NLRP4: variants seen among roughly 807,000 people sequenced by gnomAD.
NLRP4 encodes NLR family pyrin domain containing 4, also known as NACHT, LRR and PYD domains-containing protein 4.
In NLRP4, 44 loss-of-function variants were observed where a neutral mutation model predicts 84.7. That is an observed-to-expected ratio of 0.52 (90% CI 0.41 to 0.67). NLRP4 has a LOEUF of 0.67. NLRP4 is among the 30% of genes least tolerant of loss of function. The pLI is 0.00. For missense variants in NLRP4, 1,260 were observed against 1,219.4 expected (o/e 1.03, Z -0.50); for synonymous variants, 544 against 476.4 (o/e 1.14, Z -1.85).
At chr19:55,864,494 C>T (rs1034103362) in intron 5 of NLRP4, among the ~76,000 whole-genome samples, 4 of 152,142 alleles carry the variant, frequency 2.6e-5, no homozygotes, top group Non-Finnish European at 5.9e-5. Context: ...GGGTTGTTAC[C>T]ACCTTTTAGC....
chr19:55,870,678 G>C, intron 6 of NLRP4, 149 bp from the exon 7 acceptor site: 1 of 594,474 alleles, frequency 1.7e-6, no homozygotes, highest in South Asian at 2.2e-5. Context: ...GAATAAATGA[G>C]AGGAGGTGTT....
chr19:55,847,406 G>A (rs868466404), intron 1 of NLRP4, among the ~76,000 whole-genome samples: 2 of 152,026 alleles, frequency 1.3e-5, no homozygotes, highest in African/African-American at 2.4e-5. Context: ...AATGTTCCAC[G>A]TATGCTTGAA....
chr19:55,879,030 C>A, intron 9 of NLRP4, 66 bp downstream of exon 9: 2 of 1,268,116 alleles, frequency 1.6e-6, no homozygotes, highest in South Asian at 1.3e-5. Flanking sequence ...TGGCTGGGAC[C>A]TGCAGTGTAA....
chr19:55,876,851 T>G (rs1985392332), intron 7 of NLRP4, 145 bp from the exon 8 acceptor site: 1 of 608,404 alleles, frequency 1.6e-6, no homozygotes, highest in Non-Finnish European at 2.9e-6. Context: ...AATTTCAATC[T>G]GCCACTAGTT....
Position 55,858,506 on chromosome 19 carries a change from G to T in NLRP4, c.1113G>T (p.Val371=), listed in dbSNP as rs746661241. The T allele has an allele frequency of 4.3e-6, 7 of 1,614,022 alleles. No homozygotes were observed. In the East Asian group the frequency reaches 1.3e-4, roughly 31 times the overall value. ...LALTCQSTTS[V]YSSFVFNLFT... ...TGACCTGCCAGAGCACTACCTCTGT[G>T]TACTCCTCTTTCGTCTTTAACCTGT... Residue 371 remains valine (V), a synonymous_variant, in exon 3 of 10, where the codon GTG becomes GTT. Transcript: ENST00000301295. The surrounding 1 kb of genome is among the most constrained non-coding windows in gnomAD (Gnocchi z 4.2).
rs375794671 is a variant in NLRP4, at chr19:55,875,256, C to G, written c.2526-1740C>G. On this transcript the variant is annotated intron_variant, in intron 7 of 9. Transcript: ENST00000301295. ...AGCAAATGCTTCAAGGTAAGAAAAA[C>G]ACTAAACCTGTAATCTTTGAAGAAA... 5.1e-4 allele frequency among the ~76,000 whole-genome samples: 78 copies of G among 152,262 alleles called. 2 individuals carry two copies. The South Asian group carries it at 0.016, about 30-fold the overall frequency.
chr19:55,849,770 G>A (rs1208347951), intron 1 of NLRP4, among the ~76,000 whole-genome samples: 3 of 132,224 alleles, frequency 2.3e-5, no homozygotes, highest in South Asian at 2.3e-4. Flanking sequence ...TGTAATTTCT[G>A]TAGCTGCGGT....
rs761515936 is a variant in NLRP4, at chr19:55,861,523, C to T, written c.1994C>T (p.Pro665Leu). 1.9e-6 allele frequency: 3 copies of T among 1,613,874 alleles called. No homozygotes were observed. In the Admixed American group the frequency reaches 5.0e-5, roughly 27 times the overall value. The change falls in exon 4 of 10, where the codon CCC (proline) becomes CTC (leucine). Residue 665 changes from proline (P) to leucine (L), a missense_variant. Around this residue, in one of 3 missense-constraint regions of NLRP4, gnomAD observed 544 missense variants for 531.7 expected, o/e 1.02. Coordinates refer to ENST00000301295, the MANE Select transcript of NLRP4 (RefSeq NM_134444.5). ...ACCTGGTGTAACCAGCTGAGGCATC[C>T]CAGCTGTCGCCTTCAGAAGCTTGGG... ...FVTWCNQLRH[P>L]SCRLQKLGIN...
Position 55,858,595 on chromosome 19 carries a change from C to T in NLRP4, c.1202C>T (p.Ser401Phe). The stretch of plus-strand genomic sequence containing the variant: ...CAGCACCAGCTGAAGGCCCTGTGCT[C>T]CCTGGCTGCAGAGGGTATGTGGACA... ...QTQHQLKALC[S>F]LAAEGMWTDT... The change falls in exon 3 of 10, where the codon TCC becomes TTC. Residue 401 changes from serine (S) to phenylalanine (F), a missense_variant. Ser to Phe is a radical substitution (Grantham distance 155). Coordinates refer to ENST00000301295, the MANE Select transcript of NLRP4 (RefSeq NM_134444.5). This position sits in a 1 kb window ranked among gnomAD's most constrained non-coding sequence, Gnocchi z 4.2. The T allele has an allele frequency of 6.2e-7, 1 of 1,614,174 alleles. No homozygotes were observed. The highest frequency in any genetic ancestry group is 8.5e-7 in the Non-Finnish European group (1 of 1,180,010).
chr19:55,881,781 G>C lies in NLRP4; in HGVS notation c.*194G>C, dbSNP rs1489200073. On this transcript the variant is annotated 3_prime_UTR_variant, in exon 10 of 10. Transcript: ENST00000301295. Reference sequence around the variant, plus strand: ...TGTGGCCTTGGATGAGTCACTGAAAGGCCTTCATGGTCTCTCGGTCTCACA... The same window carrying C: ...TGTGGCCTTGGATGAGTCACTGAAACGCCTTCATGGTCTCTCGGTCTCACA... 1 of 413,326 alleles carries C rather than the reference G, an allele frequency of 2.4e-6. No individual in the cohort carries two copies. Among genetic ancestry groups the C allele is most frequent in the East Asian group, 3.8e-5 (1 of 26,368 alleles). 25.6% of individuals were successfully genotyped at this position (413,326 alleles called of 1,614,324 possible).
Position 55,857,775 on chromosome 19 carries a change from A to T in NLRP4, c.382A>T (p.Lys128Ter). Residue 128 changes from lysine (K) to a stop codon, truncating the protein, a stop_gained, in exon 3 of 10, where the codon AAG (lysine) becomes TAG (stop). Coordinates refer to ENST00000301295, the MANE Select transcript of NLRP4 (RefSeq NM_134444.5). LOFTEE classifies it high-confidence loss of function. The part of the protein sequence containing the change: ...EIHLYFEEEV[K>*]QEECDHLDRL... Reference sequence around the variant, plus strand: ...TCACCTATACTTTGAGGAGGAAGTCAAGCAAGAAGAATGTGACCATTTGGA... The same window carrying T: ...TCACCTATACTTTGAGGAGGAAGTCTAGCAAGAAGAATGTGACCATTTGGA... 6.2e-7 allele frequency: 1 copy of T among 1,614,096 alleles called. No homozygotes were observed. The highest frequency in any genetic ancestry group is 8.5e-7 in the Non-Finnish European group (1 of 1,179,942).
Position 55,836,774 on chromosome 19 carries a change from C to G in NLRP4, c.-226C>G. ...CGCCCTGTGTTTATAAGGTGCCTCC[C>G]AGGAGCCTGAGACCTGTGAGAAGAA... On this transcript the variant is annotated 5_prime_UTR_variant, in exon 1 of 10. Transcript: ENST00000301295. 9.2e-6 allele frequency: 1 copy of G among 109,166 alleles called. No individual in the cohort carries two copies. The highest frequency in any genetic ancestry group is 1.7e-5 in the Non-Finnish European group (1 of 59,006). 6.8% of individuals were successfully genotyped at this position (109,166 alleles called of 1,614,324 possible). A position where few individuals can be genotyped will look rare whatever the true frequency, so the allele number is the denominator to read the frequency against.
chr19:55,860,734 T>C (rs1984717692), intron 3 of NLRP4, among the ~76,000 whole-genome samples: 1 of 152,186 alleles, frequency 6.6e-6, no homozygotes, highest in African/African-American at 2.4e-5. Flanking sequence ...AGGCTGAAGA[T>C]GTCGACTTAA....
At chr19:55,867,261 G>A (rs538167958) in intron 5 of NLRP4, among the ~76,000 whole-genome samples, 18 of 149,732 alleles carry the variant, frequency 1.2e-4, no homozygotes, top group East Asian at 2.0e-4. Context: ...CAGATGGTGC[G>A]TCTCAGGTTG....
At chr19:55,849,893 G>GTGTGATTT (rs1568658020) in intron 1 of NLRP4, among the ~76,000 whole-genome samples, 1 of 14,688 alleles carries the variant, frequency 6.8e-5, no homozygotes, top group African/African-American at 2.3e-4. Context: ...AATTTCCGTG[G>GTGTGATTT]CCGGCGGTGT....
At chr19:55,869,732 T>A (rs563456233) in intron 6 of NLRP4, among the ~76,000 whole-genome samples, 1 of 152,108 alleles carries the variant, frequency 6.6e-6, no homozygotes, top group Admixed American at 6.6e-5. Context: ...CACCGTCTGC[T>A]TTTTTGTTTT....
intron 2 of NLRP4, among the ~76,000 whole-genome samples, chr19:55,856,485 G>A (rs1346712744): frequency 2.0e-5 from 3 of 151,384 alleles, no homozygotes; most frequent in Admixed American, 6.6e-5. Flanking sequence ...GGGATGCGTA[G>A]GGCTTGGTCA....
intron 2 of NLRP4, among the ~76,000 whole-genome samples, chr19:55,855,656 G>A (rs1201480733): frequency 3.3e-5 from 5 of 152,164 alleles, no homozygotes; most frequent in African/African-American, 7.2e-5. Flanking sequence ...ACTATTATGC[G>A]GGGCATAGGG....
intron 7 of NLRP4, among the ~76,000 whole-genome samples, chr19:55,872,813 A>C (rs954552638): frequency 2.6e-5 from 4 of 152,248 alleles, no homozygotes; most frequent in Admixed American, 1.3e-4. Context: ...TTCAGATTCA[A>C]GCATCCAAAT....
Sources: gnomAD v4.1 joint callset for allele counts (sites outside exome capture counted in the v4.1 genomes callset) on GRCh38, gnomAD v4.1.1 for gene constraint, gnomAD v4.1.1 regional missense constraint, Gnocchi (gnomAD v3.1) non-coding constraint, MANE v1.5 for transcripts, NCBI Gene and HGNC (gene_info 2026-07-23, HGNC 2026-07-21) for gene names.